The following TMEM132C variants were observed in gnomAD, a reference collection of about 807,000 sequenced individuals.
The protein encoded by TMEM132C is protein phosphatase 1, regulatory subunit 152.
TMEM132C carries 29 observed loss-of-function variants against 61.4 expected under a neutral mutation model. The ratio of observed to expected loss-of-function variants is 0.47; its 90% CI spans 0.35 to 0.64. TMEM132C has a LOEUF of 0.64. TMEM132C is among the 30% of genes least tolerant of loss of function. The pLI, the probability that TMEM132C is intolerant of heterozygous loss-of-function variation, is 0.00. For missense variants in TMEM132C, 1,408 were observed against 1,476.9 expected, an observed-to-expected ratio of 0.95 and a Z score of 0.76; for synonymous variants, 656 against 633.1, an observed-to-expected ratio of 1.04 and a Z score of -0.54.
At chr12:128,616,452 A>C (rs987788385) in intron 4 of TMEM132C, 117 bp downstream of exon 4, 8 of 1,090,582 alleles carry the variant, frequency 7.3e-6, no homozygotes, top group South Asian at 4.2e-5. Flanking sequence ...TTACTTTCAA[A>C]GTTTCTCGTC....
chr12:128,417,446 G>A (rs1163618441), intron 2 of TMEM132C, among the ~76,000 whole-genome samples: 1 of 152,154 alleles, frequency 6.6e-6, no homozygotes, highest in Non-Finnish European at 1.5e-5. Context: ...GCTCTTCAGA[G>A]AGGAGGATCT....
intron 3 of TMEM132C, among the ~76,000 whole-genome samples, chr12:128,563,582 G>C (rs1258955415): frequency 6.6e-6 from 1 of 152,138 alleles, no homozygotes; most frequent in Non-Finnish European, 1.5e-5. Context: ...AGCTGCTGCT[G>C]TTATCCTAGC....
intron 3 of TMEM132C, among the ~76,000 whole-genome samples, 180 bp downstream of exon 3, chr12:128,544,283 C>T (rs902851454): frequency 1.3e-5 from 2 of 152,220 alleles, no homozygotes; most frequent in Admixed American, 6.5e-5. Context: ...TGCAGCAGGG[C>T]GGGGTGGGGC....
chr12:128,561,906 G>A (rs1253736070), intron 3 of TMEM132C, among the ~76,000 whole-genome samples: 1 of 152,166 alleles, frequency 6.6e-6, no homozygotes, highest in Non-Finnish European at 1.5e-5. Context: ...ATTCAAGATG[G>A]TGTGCTAGTA....
chr12:128,319,687 G>C (rs771496521), intron 1 of TMEM132C, among the ~76,000 whole-genome samples: 6 of 152,082 alleles, frequency 3.9e-5, no homozygotes, highest in Admixed American at 2.6e-4. Flanking sequence ...TTACCCAGGC[G>C]TGGTGGTGGG....
chr12:128,436,537 A>G (rs1299226651), intron 2 of TMEM132C, among the ~76,000 whole-genome samples: 3 of 152,258 alleles, frequency 2.0e-5, no homozygotes, highest in African/African-American at 7.2e-5. Flanking sequence ...CAACAGACAC[A>G]TGAAAAAATG....
At chr12:128,483,772 A>G (rs1205176068) in intron 2 of TMEM132C, among the ~76,000 whole-genome samples, 1 of 152,176 alleles carries the variant, frequency 6.6e-6, no homozygotes, top group African/African-American at 2.4e-5. Context: ...TAGAGATTGT[A>G]TTATATACAA....
intron 2 of TMEM132C, among the ~76,000 whole-genome samples, chr12:128,422,317 G>A (rs1057272822): frequency 5.3e-5 from 8 of 152,180 alleles, no homozygotes; most frequent in African/African-American, 1.7e-4. Flanking sequence ...TTGTAAGTAG[G>A]TAGGTCAGTC....
At chr12:128,641,293 C>T (rs947275249) in intron 4 of TMEM132C, among the ~76,000 whole-genome samples, 1 of 152,150 alleles carries the variant, frequency 6.6e-6, no homozygotes, top group African/African-American at 2.4e-5. Context: ...ACATGTCCCC[C>T]CAGTGTCCCT....
At position 128,707,460 on chromosome 12, in the gene TMEM132C, A is replaced by G. The variant is rs1954852445; in HGVS notation, c.*1165A>G. On this transcript the variant is annotated 3_prime_UTR_variant, in exon 9 of 9. Transcript: ENST00000435159. ...TTTTTCTTATGTTGTTGGGTGGGGT[A>G]TACCAGCATAAACTCTAAAGATAAA... 6.6e-6 allele frequency: 1 copy of G among 152,248 alleles called. No individual in the cohort carries two copies. Among genetic ancestry groups the G allele is most frequent in the African/African-American group, 2.4e-5 (1 of 41,470 alleles). The allele number at this position is 152,248 out of a possible 1,614,324, so 9.4% of individuals were successfully genotyped here.
chr12:128,487,090 C>T (rs1871524461), intron 2 of TMEM132C, among the ~76,000 whole-genome samples: 2 of 152,190 alleles, frequency 1.3e-5, no homozygotes, highest in South Asian at 4.1e-4. Context: ...TCCGGAAACC[C>T]AGCCACCGAC....
At chr12:128,298,735 T>C (rs1412652307) in intron 1 of TMEM132C, among the ~76,000 whole-genome samples, 2 of 152,252 alleles carry the variant, frequency 1.3e-5, no homozygotes, top group African/African-American at 4.8e-5. Context: ...TGGAGTTGTC[T>C]TTGATCCACA....
chr12:128,269,684 C>A (rs995985960), intron 1 of TMEM132C, among the ~76,000 whole-genome samples: 1 of 152,114 alleles, frequency 6.6e-6, no homozygotes, highest in African/African-American at 2.4e-5. Flanking sequence ...CTGCAAAATA[C>A]ATTTTCCGTT....
intron 1 of TMEM132C, among the ~76,000 whole-genome samples, chr12:128,367,543 C>A (rs895306496): frequency 1.3e-5 from 2 of 152,100 alleles, no homozygotes; most frequent in African/African-American, 4.8e-5. Flanking sequence ...TGGCACAGTC[C>A]AAGGGCTCTG....
At chr12:128,480,894 G>A (rs777292059) in intron 2 of TMEM132C, among the ~76,000 whole-genome samples, 1 of 152,178 alleles carries the variant, frequency 6.6e-6, no homozygotes, top group Non-Finnish European at 1.5e-5. Flanking sequence ...GCTTGGAAAG[G>A]GCTTGTGAAT....
intron 5 of TMEM132C, among the ~76,000 whole-genome samples, chr12:128,671,701 C>T (rs1954534140): frequency 1.3e-5 from 2 of 152,226 alleles, no homozygotes; most frequent in Admixed American, 1.3e-4. Flanking sequence ...GCCACCATCA[C>T]ACAGCGACGT....
At chr12:128,292,574 C>A (rs1871275925) in intron 1 of TMEM132C, among the ~76,000 whole-genome samples, 1 of 151,994 alleles carries the variant, frequency 6.6e-6, no homozygotes. Flanking sequence ...GTACTTAGTA[C>A]CTAGGTACCC....
rs111577455 is a variant in TMEM132C at position 128,269,754 on chromosome 12, C to T, written c.85+2267C>T. 6.7e-3 allele frequency among the ~76,000 whole-genome samples: 1,015 copies of T among 151,840 alleles called. 10 individuals carry two copies. The highest frequency in any genetic ancestry group is 6.8e-3 in the Non-Finnish European group (465 of 67,990). The stretch of plus-strand genomic sequence containing the variant: ...CCCTCGGATTCCTCCACACGTAAAG[C>T]GTTTGCACCGTAAGATATCTTCTAG... On this transcript the variant is annotated intron_variant, in intron 1 of 8. Transcript: ENST00000435159.
At chr12:128,613,588 C>G (rs959210633) in intron 3 of TMEM132C, among the ~76,000 whole-genome samples, 8 of 152,180 alleles carry the variant, frequency 5.3e-5, no homozygotes, top group African/African-American at 1.7e-4. Flanking sequence ...TGGTCAAGAC[C>G]TTAGATTTCT....
Sources: allele counts gnomAD v4.1 joint callset (sites outside exome capture counted in the v4.1 genomes callset), GRCh38; gene constraint gnomAD v4.1.1; transcripts MANE v1.5; gene names NCBI Gene and HGNC (gene_info 2026-07-23, HGNC 2026-07-21).